GNAS: variants seen among roughly 807,000 people sequenced by gnomAD.
The protein encoded by GNAS is protein ALEX.
GNAS carries 8 observed loss-of-function variants against 54.5 expected under a neutral mutation model. That is an observed-to-expected ratio of 0.15 (90% CI 0.09 to 0.26). GNAS has a LOEUF of 0.26. Ranked by LOEUF, GNAS falls within the 10% of genes least tolerant of loss-of-function variation. The pLI, the probability that GNAS is intolerant of heterozygous loss-of-function variation, is 1.00. For synonymous variants in GNAS, 204 were observed against 191.4 expected, an observed-to-expected ratio of 1.07 and a Z score of -0.54; for missense variants, 170 against 529.8, an observed-to-expected ratio of 0.32 and a Z score of 6.67.
At chr20:58,889,432 G>A (rs1247742318), upstream of GNAS, 5 of 930,868 alleles carry the variant, frequency 5.4e-6, no homozygotes, top group African/African-American at 7.1e-5. Context: ...TCCGGGACAA[G>A]GCAGGGGCGC....
chr20:58,891,705 C>A lies in GNAS; in HGVS notation c.-22C>A. ...CCGCCGCCGCCGCAGCCCGGCCGCG[C>A]CCCGCCGCCGCCGCCGCCGCCATGG... On this transcript the variant is annotated 5_prime_UTR_variant, in exon 1 of 13. Transcript: ENST00000371085. 9.4e-7 allele frequency: 1 copy of A among 1,063,748 alleles called. No homozygotes were observed. The highest frequency in any genetic ancestry group is 3.5e-5 in the Admixed American group (1 of 28,838). 65.9% of individuals were successfully genotyped at this position (1,063,748 alleles called of 1,614,324 possible).
chr20:58,894,092 A>C (rs1056432237), intron 1 of GNAS, among the ~76,000 whole-genome samples: 2 of 152,240 alleles, frequency 1.3e-5, no homozygotes, highest in Non-Finnish European at 2.9e-5. Flanking sequence ...TAATGCCCCA[A>C]ATCCTCTTTT....
At chr20:58,842,749 T>C (rs1300475290) in intron 1 of GNAS, among the ~76,000 whole-genome samples, 4 of 152,214 alleles carry the variant, frequency 2.6e-5, no homozygotes, top group Non-Finnish European at 4.4e-5. Flanking sequence ...TGGTAATGTC[T>C]CAGCCTGAGT....
chr20:58,878,534 T>C (rs946660108), intron 1 of GNAS, among the ~76,000 whole-genome samples: 2 of 152,136 alleles, frequency 1.3e-5, no homozygotes, highest in Non-Finnish European at 2.9e-5. Context: ...GAGGAGGCAG[T>C]GGTCTTGAAA....
At chr20:58,889,097 G>A, upstream of GNAS, 2 of 1,081,646 alleles carry the variant, frequency 1.8e-6, no homozygotes, top group Non-Finnish European at 1.1e-6. Flanking sequence ...GTTTATAGGG[G>A]CCGCTGCTAT....
upstream of GNAS, among the ~76,000 whole-genome samples, chr20:58,890,336 C>G (rs1012056618): frequency 1.3e-5 from 2 of 150,750 alleles, no homozygotes; most frequent in Non-Finnish European, 3.0e-5. Flanking sequence ...GCGCCGCCGC[C>G]GGGGGCACGA....
chr20:58,853,738 C>G lies in GNAS; in HGVS notation c.43+12852C>G, dbSNP rs2086283254. 1 of 1,613,830 alleles carries G rather than the reference C, an allele frequency of 6.2e-7. No homozygotes were observed. Among genetic ancestry groups the G allele is most frequent in the Non-Finnish European group, 8.5e-7 (1 of 1,179,878 alleles). ...GGCCTGGGAGGATACAGCCCTCCAC[C>G]AGAAGAAGCTATGCCCTTTGAGTTT... On this transcript the variant is annotated intron_variant, in intron 1 of 12. Transcript: ENST00000306090. This position sits in a 1 kb window ranked among gnomAD's most constrained non-coding sequence, Gnocchi z 4.4.
Position 58,865,759 on chromosome 20 carries a change from G to C in GNAS, c.43+24873G>C, listed in dbSNP as rs545794159. Among the ~76,000 whole-genome samples, 41 of 151,892 alleles carry C rather than the reference G, an allele frequency of 2.7e-4. 1 individual carries two copies. In the South Asian group the frequency reaches 7.9e-3, roughly 29 times the overall value. ...TCCAACCCTGCAGAAGTAATTTCTA[G>C]AAATCTCAGAGAAGAAAGTGACCCA... On this transcript the variant is annotated intron_variant, in intron 1 of 12. Coordinates refer to the GNAS transcript ENST00000306090.
chr20:58,842,009 A>ATCAGTC (rs1352265290), intron 1 of GNAS: 1 of 861,340 alleles, frequency 1.2e-6, no homozygotes, highest in African/African-American at 1.7e-5. Context: ...TCCTTGGACG[A>ATCAGTC]TCAGTCGTCG....
intron 1 of GNAS, chr20:58,850,911 T>G: frequency 2.5e-6 from 1 of 398,650 alleles, no homozygotes; most frequent in East Asian, 3.6e-5. Context: ...CTATTGGACC[T>G]CCCACCCATA....
Position 58,853,007 on chromosome 20 carries a change from G to A in GNAS, c.43+12121G>A. 1 of 1,286,886 alleles carries A rather than the reference G, an allele frequency of 7.8e-7. No individual in the cohort carries two copies. Among genetic ancestry groups the A allele is most frequent in the South Asian group, 2.2e-5 (1 of 45,998 alleles). The allele number at this position is 1,286,886 out of a possible 1,614,324, so 79.7% of individuals were successfully genotyped here. A position where few individuals can be genotyped will look rare whatever the true frequency, so the allele number is the denominator to read the frequency against. ...GGATAGACCAAGGAAGAGGGGCTGG[G>A]GGGCAGCCTGGGGGCATGAAAAGTG... On this transcript the variant is annotated intron_variant, in intron 1 of 12. Coordinates refer to the GNAS transcript ENST00000306090. This position sits in a 1 kb window ranked among gnomAD's most constrained non-coding sequence, Gnocchi z 4.4.
chr20:58,888,927 A>T, upstream of GNAS: 1 of 215,222 alleles, frequency 4.6e-6, no homozygotes, highest in Non-Finnish European at 7.9e-6. Flanking sequence ...GGCGGGGTTG[A>T]GCGCCCACCG....
At chr20:58,875,785 T>C (rs1032280277) in intron 1 of GNAS, among the ~76,000 whole-genome samples, 22 of 152,194 alleles carry the variant, frequency 1.4e-4, no homozygotes, top group African/African-American at 5.1e-4. Context: ...CCCATGTTTT[T>C]CTCCAGCGTC....
chr20:58,900,968 C>T (rs566602107), intron 3 of GNAS, among the ~76,000 whole-genome samples: 13 of 152,300 alleles, frequency 8.5e-5, no homozygotes, highest in Admixed American at 2.0e-4. Flanking sequence ...TATTTTAAGA[C>T]GGGAAGTTTT....
chr20:58,888,080 T>G (rs943928695), upstream of GNAS, among the ~76,000 whole-genome samples: 2 of 152,264 alleles, frequency 1.3e-5, no homozygotes, highest in African/African-American at 4.8e-5. Flanking sequence ...CTGTTAAATG[T>G]GTTTCCATTT....
intron 3 of GNAS, among the ~76,000 whole-genome samples, chr20:58,902,714 C>T (rs1258927325): frequency 5.2e-5 from 7 of 134,054 alleles, no homozygotes; most frequent in Non-Finnish European, 9.2e-5. Flanking sequence ...CCTGGAGCAT[C>T]GCACATACGA....
chr20:58,842,565 T>C (rs2145484765), intron 1 of GNAS: 1 of 398,592 alleles, frequency 2.5e-6, no homozygotes, highest in Non-Finnish European at 4.4e-6. Context: ...ACGGAGAAAC[T>C]AGTTTATTTG....
At chr20:58,882,784 T>G (rs949680231) in intron 1 of GNAS, 2 of 152,192 alleles carry the variant, frequency 1.3e-5, no homozygotes, top group Non-Finnish European at 2.9e-5. Flanking sequence ...AAGTCTGTCT[T>G]TCTTACATAA....
intron 1 of GNAS, chr20:58,892,481 T>A (rs1450476662): frequency 1.5e-5 from 2 of 130,676 alleles, no homozygotes; most frequent in Admixed American, 1.5e-4. Context: ...GCTGGTGACA[T>A]CAGCCCCTCG....
Sources: gnomAD v4.1 joint callset for allele counts (sites outside exome capture counted in the v4.1 genomes callset) on GRCh38, gnomAD v4.1.1 for gene constraint, Gnocchi (gnomAD v3.1) non-coding constraint, MANE v1.5 for transcripts, NCBI Gene and HGNC (gene_info 2026-07-23, HGNC 2026-07-21) for gene names.